Variants in SMIM36 observed in about 807,000 individuals in gnomAD.
SMIM36 encodes the protein small integral membrane protein 36.
chr17:55,511,328 A>G, exon 1 of SMIM36: 1 of 398,650 alleles, frequency 2.5e-6, no homozygotes, highest in Admixed American at 4.4e-5. Context: ...TCCAAGTAGA[A>G]TTCCATCACT....
intron 4 of SMIM36, among the ~76,000 whole-genome samples, chr17:55,460,535 G>A (rs1157568936): frequency 1.3e-5 from 2 of 151,804 alleles, no homozygotes; most frequent in Admixed American, 1.3e-4. Context: ...TTTATGTAAT[G>A]GCATAAAATA....
At chr17:55,515,094 T>G (rs1456660378), upstream of SMIM36, among the ~76,000 whole-genome samples, 9 of 103,616 alleles carry the variant, frequency 8.7e-5, no homozygotes, top group African/African-American at 2.0e-4. Flanking sequence ...GTGTTTTTTT[T>G]TTTTTTTTTT....
chr17:55,511,878 C>T (rs1910187895), upstream of SMIM36, among the ~76,000 whole-genome samples: 1 of 152,170 alleles, frequency 6.6e-6, no homozygotes, highest in Admixed American at 6.5e-5. Flanking sequence ...ACCCTTTCTT[C>T]ATTTGTTGCC....
intron 4 of SMIM36, among the ~76,000 whole-genome samples, chr17:55,455,656 T>C (rs1380577089): frequency 6.6e-6 from 1 of 152,020 alleles, no homozygotes; most frequent in Non-Finnish European, 1.5e-5. Flanking sequence ...CCAGTCATGG[T>C]GGAGCATGCC....
chr17:55,461,421 T>C (rs1909146740), intron 4 of SMIM36, among the ~76,000 whole-genome samples: 1 of 152,118 alleles, frequency 6.6e-6, no homozygotes. Flanking sequence ...TACAGGACAT[T>C]CTGGAAAAGG....
At chr17:55,514,130 A>G (rs952765813), upstream of SMIM36, among the ~76,000 whole-genome samples, 1 of 151,966 alleles carries the variant, frequency 6.6e-6, no homozygotes, top group Admixed American at 6.6e-5. Context: ...TCCTTTATTC[A>G]TACTGGGGCT....
At chr17:55,458,805 C>G (rs997883819) in intron 4 of SMIM36, among the ~76,000 whole-genome samples, 2 of 152,212 alleles carry the variant, frequency 1.3e-5, no homozygotes, top group Admixed American at 6.5e-5. Flanking sequence ...AAGACTACCT[C>G]CCTTGTGGAT....
At chr17:55,501,870 G>A (rs1021371181) in intron 1 of SMIM36, among the ~76,000 whole-genome samples, 7 of 119,758 alleles carry the variant, frequency 5.8e-5, no homozygotes, top group South Asian at 2.7e-4. Flanking sequence ...CAGTGGGTGC[G>A]CGCACAGTGC....
chr17:55,523,332 C>T, the SMIM36 span, among the ~76,000 whole-genome samples: 2 of 152,030 alleles, frequency 1.3e-5, no homozygotes, highest in Non-Finnish European at 2.9e-5. Context: ...GAGATCGAGA[C>T]CTTCCTGGCC....
At chr17:55,500,059 G>A (rs1909880414) in intron 1 of SMIM36, among the ~76,000 whole-genome samples, 1 of 151,526 alleles carries the variant, frequency 6.6e-6, no homozygotes, top group Non-Finnish European at 1.5e-5. Flanking sequence ...TTAGCTCTGA[G>A]GCCAAATATT....
chr17:55,499,976 A>G (rs1354457187), intron 1 of SMIM36, among the ~76,000 whole-genome samples: 4 of 152,148 alleles, frequency 2.6e-5, no homozygotes, highest in Non-Finnish European at 5.9e-5. Context: ...CAAATAGGAA[A>G]AAGGTGATAA....
chr17:55,494,066 GT>G (rs1392406702), intron 1 of SMIM36, among the ~76,000 whole-genome samples: 4 of 152,088 alleles, frequency 2.6e-5, no homozygotes, highest in African/African-American at 7.2e-5. Context: ...TCTAGGAACA[GT>G]TTGTTTCCAT....
At chr17:55,491,905 T>C (rs181302996) in intron 1 of SMIM36, among the ~76,000 whole-genome samples, 1 of 152,092 alleles carries the variant, frequency 6.6e-6, no homozygotes, top group Non-Finnish European at 1.5e-5. Flanking sequence ...CACACCTGTA[T>C]TCCCAGCACT....
intron 3 of SMIM36, among the ~76,000 whole-genome samples, chr17:55,469,071 C>T (rs1238108084): frequency 6.6e-6 from 1 of 152,072 alleles, no homozygotes; most frequent in Non-Finnish European, 1.5e-5. Flanking sequence ...TCAGTCTCCA[C>T]CCCAAGTTCT....
intron 3 of SMIM36, among the ~76,000 whole-genome samples, chr17:55,475,888 C>T (rs977113581): frequency 3.9e-5 from 6 of 152,138 alleles, no homozygotes; most frequent in African/African-American, 1.4e-4. Flanking sequence ...ACAATATCAC[C>T]CCTTACCCCA....
the SMIM36 span, among the ~76,000 whole-genome samples, chr17:55,519,677 C>G: frequency 6.6e-6 from 1 of 152,110 alleles, no homozygotes; most frequent in Non-Finnish European, 1.5e-5. Flanking sequence ...ATGAGGTGAG[C>G]TAAGTGCTCA....
intron 1 of SMIM36, among the ~76,000 whole-genome samples, chr17:55,508,477 C>A (rs1295909080): frequency 8.4e-6 from 1 of 118,730 alleles, no homozygotes; most frequent in East Asian, 2.4e-4. Context: ...TATGAACCTG[C>A]CCTTTTCTTA....
chr17:55,508,090 G>A (rs934529907), intron 1 of SMIM36, among the ~76,000 whole-genome samples: 20 of 152,072 alleles, frequency 1.3e-4, no homozygotes, highest in African/African-American at 4.1e-4. Context: ...TGAGCTATTA[G>A]TGTCTGGTGG....
intron 3 of SMIM36, among the ~76,000 whole-genome samples, chr17:55,478,063 G>C (rs1243692392): frequency 2.6e-5 from 4 of 151,946 alleles, no homozygotes; most frequent in Admixed American, 2.6e-4. Context: ...GGGTATGATG[G>C]TATGCACCTG....
Sources: gnomAD v4.1 joint callset for allele counts (sites outside exome capture counted in the v4.1 genomes callset) on GRCh38, gnomAD v4.1.1 for gene constraint, MANE v1.5 for transcripts, NCBI Gene and HGNC (gene_info 2026-07-23, HGNC 2026-07-21) for gene names.